ZNF236: variants seen among roughly 807,000 people sequenced by gnomAD.
The protein encoded by ZNF236 is regulated by glucose.
A neutral mutation model predicts 191.2 loss-of-function variants in ZNF236; 50 were observed. That is an observed-to-expected ratio of 0.26 (90% CI 0.21 to 0.33). ZNF236 has a LOEUF of 0.33. ZNF236 is among the 10% of genes least tolerant of loss of function. ZNF236 has a pLI of 1.00. For synonymous variants in ZNF236, 907 were observed against 928.8 expected, an observed-to-expected ratio of 0.98 and a Z score of 0.43; for missense variants, 1,754 against 2,374.5, an observed-to-expected ratio of 0.74 and a Z score of 5.43.
In ZNF236 at chr18:76,956,005, C is replaced by T. The variant is rs771670351; in HGVS notation, c.4935C>T (p.Asn1645=). 1 of 1,609,980 alleles carries T rather than the reference C, an allele frequency of 6.2e-7. No homozygotes were observed. Among genetic ancestry groups the T allele is most frequent in the Non-Finnish European group, 8.5e-7 (1 of 1,179,330 alleles). ...IAYQVAGVSG[N]LAPGNQPEKE... ...TCCAGGTAGCTGGCGTCTCTGGGAA[C>T]CTGGCCCCGGGCAACCAGCCAGAGA... is the stretch of plus-strand genomic sequence containing the variant. Residue 1645 remains asparagine (N), a synonymous_variant, in exon 28 of 31, where the codon AAC becomes AAT. Coordinates refer to ENST00000320610, the MANE Select transcript of ZNF236 (RefSeq NM_001306089.2).
chr18:76,885,332 G>C (rs1030052254), intron 9 of ZNF236: 2 of 152,364 alleles, frequency 1.3e-5, no homozygotes, highest in Non-Finnish European at 2.9e-5. Flanking sequence ...TCAAGGTTCT[G>C]GGAACCACAT....
chr18:76,950,222 T>C (rs1968370899), intron 27 of ZNF236, among the ~76,000 whole-genome samples: 1 of 152,230 alleles, frequency 6.6e-6, no homozygotes, highest in Non-Finnish European at 1.5e-5. Flanking sequence ...CATGCAATGA[T>C]GTTTGATAGC....
At chr18:76,838,863 A>T (rs1975406649) in intron 1 of ZNF236, among the ~76,000 whole-genome samples, 1 of 152,190 alleles carries the variant, frequency 6.6e-6, no homozygotes, top group Admixed American at 6.5e-5. Context: ...ACCCTAAGAA[A>T]TCTTCACTGT....
chr18:76,852,866 T>C (rs1374792190), intron 3 of ZNF236, among the ~76,000 whole-genome samples: 1 of 152,214 alleles, frequency 6.6e-6, no homozygotes, highest in Non-Finnish European at 1.5e-5. Flanking sequence ...TTTTTTGATT[T>C]TACAGTGGTG....
chr18:76,962,469 A>G (rs28847028), intron 30 of ZNF236, among the ~76,000 whole-genome samples: 1,565 of 152,284 alleles, frequency 0.01, 27 homozygotes, highest in African/African-American at 0.036. Context: ...ACCTTATAGT[A>G]TAGTTTGAAA....
intron 2 of ZNF236, among the ~76,000 whole-genome samples, chr18:76,850,007 G>T (rs1024030915): frequency 1.3e-5 from 2 of 152,188 alleles, no homozygotes; most frequent in Non-Finnish European, 2.9e-5. Flanking sequence ...TTTTTCTCCA[G>T]TGGGGAGTTT....
At chr18:76,956,294 G>C in intron 28 of ZNF236, 112 bp downstream of exon 28, 1 of 1,284,620 alleles carries the variant, frequency 7.8e-7, no homozygotes, top group Non-Finnish European at 1.1e-6. Context: ...GGAAAAGGCC[G>C]GTTTTTGAGG....
chr18:76,832,442 A>ATT (rs5826481), intron 1 of ZNF236, among the ~76,000 whole-genome samples: 14 of 140,806 alleles, frequency 9.9e-5, no homozygotes, highest in African/African-American at 3.6e-4. Flanking sequence ...AAAGGTCAGG[A>ATT]TTTTTTTTTT....
At chr18:76,912,169 T>G in intron 16 of ZNF236, 75 bp from the exon 17 acceptor site, 1 of 1,114,326 alleles carries the variant, frequency 9.0e-7, no homozygotes, top group Non-Finnish European at 1.3e-6. Flanking sequence ...TATCCTTAGT[T>G]CTTAGCTGCT....
At position 76,919,803 on chromosome 18, in the gene ZNF236, A is replaced by T. The variant is rs200628874; in HGVS notation, c.3302A>T (p.His1101Leu). 7.7e-5 allele frequency: 125 copies of T among 1,614,222 alleles called. No homozygotes were observed. Among genetic ancestry groups the T allele is most frequent in the South Asian group, 1.4e-4 (13 of 91,088 alleles). ...ATTTGTATGGAGGAAGAGGAAGAAC[A>T]TTCTGACAGAAATGCATCACGGAAG... ...GDICMEEEEE[H>L]SDRNASRKSR... Residue 1101 changes from histidine (H) to leucine (L), a missense_variant, in exon 20 of 31, where the codon CAT becomes CTT. Transcript: ENST00000320610. The surrounding 1 kb of genome is among the most constrained non-coding windows in gnomAD (Gnocchi z 5.3).
intron 7 of ZNF236, among the ~76,000 whole-genome samples, chr18:76,879,872 C>G (rs1301884901): frequency 6.6e-6 from 1 of 152,108 alleles, no homozygotes; most frequent in African/African-American, 2.4e-5. Flanking sequence ...CATCTTGAGT[C>G]TCTATGCTCA....
At chr18:76,917,064 C>T (rs766754681) in intron 19 of ZNF236, among the ~76,000 whole-genome samples, 13 of 152,162 alleles carry the variant, frequency 8.5e-5, no homozygotes, top group Admixed American at 2.6e-4. Flanking sequence ...ACAAAAACTG[C>T]GACTTAACCA....
At chr18:76,832,573 T>G (rs1396141013) in intron 1 of ZNF236, among the ~76,000 whole-genome samples, 10 of 146,272 alleles carry the variant, frequency 6.8e-5, no homozygotes, top group Admixed American at 3.4e-4. Flanking sequence ...TTTTCCACTG[T>G]TTTTTTTTTT....
Position 76,927,279 on chromosome 18 carries a change from T to C in ZNF236, c.4176T>C (p.Ile1392=). The C allele has an allele frequency of 6.2e-7, 1 of 1,614,070 alleles. No homozygotes were observed. The highest frequency in any genetic ancestry group is 8.5e-7 in the Non-Finnish European group (1 of 1,179,942). The change falls in exon 24 of 31, where the codon ATT becomes ATC. Residue 1392 remains isoleucine, a splice_region_variant and synonymous_variant. Transcript: ENST00000320610. The surrounding 1 kb of genome is among the most constrained non-coding windows in gnomAD (Gnocchi z 5.4). ...AASINNITLQ[I]DPSILQQTLQ... ...CAAGTACCTGTGCTGCTTTTCAGAT[T>C]GATCCAAGCATTCTGCAGCAGACGC...
intron 3 of ZNF236, among the ~76,000 whole-genome samples, chr18:76,852,519 C>T (rs1025048134): frequency 2.6e-5 from 4 of 151,930 alleles, no homozygotes; most frequent in African/African-American, 4.8e-5. Flanking sequence ...GCTCCTCCTT[C>T]GTCAGGTGCA....
At chr18:76,879,882 A>C (rs538282859) in intron 7 of ZNF236, among the ~76,000 whole-genome samples, 1 of 152,314 alleles carries the variant, frequency 6.6e-6, no homozygotes, top group Admixed American at 6.5e-5. Context: ...CTCTATGCTC[A>C]CTGGAAAAAA....
intron 1 of ZNF236, among the ~76,000 whole-genome samples, chr18:76,837,143 C>CCCCCCCCCCCG (rs1975358526): frequency 7.9e-6 from 1 of 125,874 alleles, no homozygotes; most frequent in African/African-American, 2.9e-5. Flanking sequence ...CCCCCCCGCC[C>CCCCCCCCCCCG]CGCAAGCCTC....
In ZNF236 at chr18:76,954,155, T is replaced by G. The variant is rs189129536; in HGVS notation, c.4915-1830T>G. Among the ~76,000 whole-genome samples the G allele has an allele frequency of 1.1e-4, 16 of 152,350 alleles. 1 individual carries two copies. The East Asian group carries it at 3.1e-3, about 29-fold the overall frequency. ...TGAAATTCAGCAGAACATTGGAGAT[T>G]TGTTTCACAGTAGTAGCAATAATTC... On this transcript the variant is annotated intron_variant, in intron 27 of 30. Transcript: ENST00000320610.
intron 9 of ZNF236, among the ~76,000 whole-genome samples, chr18:76,893,232 T>C (rs1977301696): frequency 6.6e-6 from 1 of 152,234 alleles, no homozygotes; most frequent in Non-Finnish European, 1.5e-5. Flanking sequence ...ACCCTTTTTA[T>C]ACCTTGCATT....
Sources: allele counts gnomAD v4.1 joint callset (sites outside exome capture counted in the v4.1 genomes callset), GRCh38; gene constraint gnomAD v4.1.1; non-coding constraint Gnocchi (gnomAD v3.1); transcripts MANE v1.5; gene names NCBI Gene and HGNC (gene_info 2026-07-23, HGNC 2026-07-21).